Variants in FSTL4 observed in about 807,000 individuals in gnomAD.
The protein encoded by FSTL4 is follistatin like 4, also known as follistatin-related protein 4.
Under a neutral mutation model 78.2 loss-of-function variants are expected in FSTL4, and 28 were observed. That is an observed-to-expected ratio of 0.36 (90% CI 0.27 to 0.49). FSTL4 has a LOEUF of 0.49. Among genes scored for constraint, FSTL4 ranks in the 20% least tolerant of loss-of-function variants. FSTL4 has a pLI of 0.98. For synonymous variants in FSTL4, 422 were observed against 440.5 expected (o/e 0.96, Z 0.53); for missense variants, 922 against 1,084.9 (o/e 0.85, Z 2.11).
At chr5:133,683,852 G>A in the FSTL4 span, among the ~76,000 whole-genome samples, 1 of 152,302 alleles carries the variant, frequency 6.6e-6, no homozygotes, top group African/African-American at 2.4e-5. Flanking sequence ...GCTGGATGGT[G>A]CCGCAGGAGC....
intron 3 of FSTL4, among the ~76,000 whole-genome samples, chr5:133,411,105 T>C (rs1250938965): frequency 2.0e-5 from 3 of 152,110 alleles, no homozygotes; most frequent in African/African-American, 7.2e-5. Context: ...TCTACTTCTA[T>C]GAGAAGCTCA....
rs575263685 is a variant in FSTL4 at position 133,395,243 on chromosome 5, C to T, written c.409+5495G>A. On this transcript the variant is annotated intron_variant, in intron 4 of 15. Coordinates refer to ENST00000265342, the MANE Select transcript of FSTL4 (RefSeq NM_015082.2). ...GCAATAAATATTGCTGCTGCTCACT[C>T]TTTGGGTCCGCACTGCCTTAGGTCT... Among the ~76,000 whole-genome samples the T allele has an allele frequency of 4.6e-5, 7 of 152,314 alleles. No homozygotes were observed. In the South Asian group the frequency reaches 6.2e-4, roughly 14 times the overall value.
chr5:133,267,544 C>A (rs181271855), intron 6 of FSTL4, among the ~76,000 whole-genome samples: 2 of 152,158 alleles, frequency 1.3e-5, no homozygotes, highest in Non-Finnish European at 2.9e-5. Context: ...TCCCCTGATG[C>A]CCAGGCTGGT....
chr5:133,270,485 G>A (rs1025814585), intron 6 of FSTL4, among the ~76,000 whole-genome samples: 13 of 152,198 alleles, frequency 8.5e-5, no homozygotes, highest in African/African-American at 2.2e-4. Flanking sequence ...TTCCTGAAAC[G>A]GCGTGGCAGC....
chr5:133,499,369 TACACACACACACACACACAC>T (rs57363602), intron 3 of FSTL4, among the ~76,000 whole-genome samples: 138 of 126,794 alleles, frequency 1.1e-3, no homozygotes, highest in African/African-American at 3.4e-3. Flanking sequence ...ACAAGGGGAA[TACACACACACACACACACAC>T]ACACACACAC....
At chr5:133,534,120 C>T (rs936468992) in intron 3 of FSTL4, among the ~76,000 whole-genome samples, 3 of 151,466 alleles carry the variant, frequency 2.0e-5, no homozygotes, top group Admixed American at 6.6e-5. Context: ...GAACCCATCA[C>T]CTGGAAAATA....
At chr5:133,376,665 G>T (rs1755442664) in intron 4 of FSTL4, among the ~76,000 whole-genome samples, 1 of 152,090 alleles carries the variant, frequency 6.6e-6, no homozygotes, top group African/African-American at 2.4e-5. Context: ...AAGGTGGGTG[G>T]ATCACCTGAG....
intron 6 of FSTL4, among the ~76,000 whole-genome samples, chr5:133,279,614 C>G (rs1336424881): frequency 3.9e-5 from 6 of 152,122 alleles, no homozygotes; most frequent in Admixed American, 3.9e-4. Context: ...GCCACAGGAT[C>G]GGAGTGGTCA....
chr5:133,400,450 G>A (rs1561703153), intron 4 of FSTL4, among the ~76,000 whole-genome samples: 2 of 152,232 alleles, frequency 1.3e-5, no homozygotes. Flanking sequence ...GACCTGGGTA[G>A]TGCCCTGTTG....
chr5:133,593,982 G>A (rs1461162486), intron 2 of FSTL4, among the ~76,000 whole-genome samples: 1 of 151,156 alleles, frequency 6.6e-6, no homozygotes, highest in Non-Finnish European at 1.5e-5. Context: ...CTTAGTACAG[G>A]GCCAGGCACA....
At chr5:133,701,414 A>AG in the FSTL4 span, among the ~76,000 whole-genome samples, 6 of 150,460 alleles carry the variant, frequency 4.0e-5, no homozygotes, top group Non-Finnish European at 8.9e-5. Flanking sequence ...AAAAAAAAAA[A>AG]AAAGAAAGAA....
the FSTL4 span, among the ~76,000 whole-genome samples, chr5:133,707,962 A>G: frequency 3.3e-5 from 5 of 151,950 alleles, no homozygotes; most frequent in Admixed American, 6.5e-5. Flanking sequence ...ATGTTTAATT[A>G]CCAGGTTAGA....
intron 2 of FSTL4, among the ~76,000 whole-genome samples, chr5:133,598,005 C>A (rs1760775562): frequency 6.6e-6 from 1 of 152,092 alleles, no homozygotes; most frequent in Admixed American, 6.5e-5. Context: ...GTTACCTGTC[C>A]AGCTGCTTGA....
At chr5:133,319,125 C>T (rs1753983534) in intron 4 of FSTL4, among the ~76,000 whole-genome samples, 1 of 152,202 alleles carries the variant, frequency 6.6e-6, no homozygotes, top group South Asian at 2.1e-4. Flanking sequence ...CAGGCTCGGC[C>T]CCACCTCACA....
intron 3 of FSTL4, among the ~76,000 whole-genome samples, chr5:133,564,554 T>A (rs529345142): frequency 6.6e-6 from 1 of 152,226 alleles, no homozygotes; most frequent in East Asian, 1.9e-4. Context: ...GTGAGGAATG[T>A]GGGGATGAAG....
intron 4 of FSTL4, among the ~76,000 whole-genome samples, chr5:133,385,137 C>T (rs1257727626): frequency 1.3e-5 from 2 of 152,226 alleles, no homozygotes; most frequent in African/African-American, 2.4e-5. Context: ...TCTCACACTC[C>T]TCTTGGACCC....
the FSTL4 span, among the ~76,000 whole-genome samples, chr5:133,715,075 AT>A: frequency 2.6e-5 from 4 of 152,238 alleles, no homozygotes; most frequent in African/African-American, 7.2e-5. Context: ...AGTCATTTAA[AT>A]ATGAAAATTT....
intron 3 of FSTL4, among the ~76,000 whole-genome samples, chr5:133,418,682 G>A (rs948521264): frequency 1.3e-5 from 2 of 152,206 alleles, no homozygotes; most frequent in Admixed American, 1.3e-4. Context: ...TGAATAAGGA[G>A]AGTGACTGAG....
chr5:133,311,352 A>T (rs1289097809), intron 6 of FSTL4, among the ~76,000 whole-genome samples: 1 of 152,132 alleles, frequency 6.6e-6, no homozygotes, highest in Admixed American at 6.5e-5. Flanking sequence ...GAGGAGGATG[A>T]CGGGGACCCT....
Sources: gnomAD v4.1 joint callset for allele counts (sites outside exome capture counted in the v4.1 genomes callset) on GRCh38, gnomAD v4.1.1 for gene constraint, MANE v1.5 for transcripts, NCBI Gene and HGNC (gene_info 2026-07-23, HGNC 2026-07-21) for gene names.